The following SPEM1 variants were observed in gnomAD, a reference collection of about 807,000 sequenced individuals.
The protein encoded by SPEM1 is spermatid maturation 1, also known as spermatid maturation protein 1.
SPEM1 carries 10 observed loss-of-function variants against 9.0 expected under a neutral mutation model. That is an observed-to-expected ratio of 1.11 (90% CI 0.68 to 1.88). The LOEUF is 1.88. Ranked by LOEUF, SPEM1 falls within the 40% of genes most tolerant of loss-of-function variation. The probability of loss-of-function intolerance (pLI) is 0.00; values close to 1 mark genes in which losing one functional copy is unlikely to be tolerated. For missense variants in SPEM1, 401 were observed against 408.6 expected, an observed-to-expected ratio of 0.98 and a Z score of 0.16; for synonymous variants, 175 against 157.8, an observed-to-expected ratio of 1.11 and a Z score of -0.82.
rs370517350 is a variant in SPEM1 at position 7,420,363 on chromosome 17, C to T, written c.-22C>T. ...GCACGGTGGGCTGGGGGCGTAAGGG[C>T]CCCGGTGGTCCTAGGGACCCCATGG... On this transcript the variant is annotated 5_prime_UTR_variant, in exon 1 of 3. Coordinates refer to ENST00000323675, the MANE Select transcript of SPEM1 (RefSeq NM_199339.3). The T allele has an allele frequency of 4.7e-6, 7 of 1,483,644 alleles. No homozygotes were observed. In the African/African-American group the frequency reaches 8.5e-5, roughly 18 times the overall value. The allele number at this position is 1,483,644 out of a possible 1,614,324, so 91.9% of individuals were successfully genotyped here.
At position 7,421,460 on chromosome 17, in the gene SPEM1, A is replaced by G; in HGVS notation, c.785A>G (p.Tyr262Cys). 1 of 1,612,750 alleles carries G rather than the reference A, an allele frequency of 6.2e-7. No homozygotes were observed. The highest frequency in any genetic ancestry group is 8.5e-7 in the Non-Finnish European group (1 of 1,179,466). Residue 262 changes from tyrosine (Y) to cysteine (C), a missense_variant, in exon 3 of 3, where the codon TAT becomes TGT. Physicochemically the swap from Tyr to Cys is radical, Grantham distance 194. Coordinates refer to ENST00000323675, the MANE Select transcript of SPEM1 (RefSeq NM_199339.3). This position sits in a 1 kb window ranked among gnomAD's most constrained non-coding sequence, Gnocchi z 4.8. ...SRHRSSGRIV[Y>C]DARDMRRRLR... The stretch of plus-strand genomic sequence containing the variant: ...CACCGCTCCTCAGGCCGAATAGTGT[A>G]TGATGCCCGGGACATGAGACGGCGG...
chr17:7,420,839 G>C (rs375200775), intron 2 of SPEM1, 42 bp from the exon 3 acceptor site: 1 of 1,607,100 alleles, frequency 6.2e-7, no homozygotes. Flanking sequence ...ATGCCTGTAG[G>C]AGCTGGCCTC....
In SPEM1 at chr17:7,420,458, T is replaced by C. The variant is rs1443123782; in HGVS notation, c.74T>C (p.Leu25Pro). 1 of 1,605,060 alleles carries C rather than the reference T, an allele frequency of 6.2e-7. No homozygotes were observed. Among genetic ancestry groups the C allele is most frequent in the Admixed American group, 1.7e-5 (1 of 57,738 alleles). Residue 25 changes from leucine to proline, a missense_variant, in exon 1 of 3, where the codon CTG becomes CCG. Physicochemically the swap from Leu to Pro is moderately conservative, Grantham distance 98. Coordinates refer to ENST00000323675, the MANE Select transcript of SPEM1 (RefSeq NM_199339.3). ...TGCAACAGCAACAGCTGCCAGGACC[T>C]GGGCAACTCTGTCCTGTTGCTGCTG... ...HNCNSNSCQD[L>P]GNSVLLLLGL... is the part of the protein sequence containing the mutation.
intron 1 of SPEM1, 35 bp from the exon 2 acceptor site, chr17:7,420,592 G>T (rs1597717049): frequency 6.2e-7 from 1 of 1,614,096 alleles, no homozygotes; most frequent in Non-Finnish European, 8.5e-7. Flanking sequence ...GCCGGCCAGG[G>T]CCTACCTGGG....
At chr17:7,420,558 G>A in intron 1 of SPEM1, 30 bp downstream of exon 1, 2 of 1,613,952 alleles carry the variant, frequency 1.2e-6, no homozygotes, top group Non-Finnish European at 1.7e-6. Flanking sequence ...GGAGGGAGCT[G>A]GTGGGATAGT....
Position 7,421,121 on chromosome 17 carries a change from A to T in SPEM1, c.446A>T (p.Asp149Val). The change falls in exon 3 of 3, where the codon GAT becomes GTT. Residue 149 changes from aspartate (D) to valine (V), a missense_variant. By Grantham distance (152) the Asp-to-Val change is radical. Transcript: ENST00000323675. The surrounding 1 kb of genome is among the most constrained non-coding windows in gnomAD (Gnocchi z 4.8). ...QYPAICSYHW[D>V]VPEDWEGFQH... ...CCAGCCATCTGCTCCTACCACTGGG[A>T]TGTCCCTGAGGACTGGGAAGGCTTC... 2 of 1,614,064 alleles carry T rather than the reference A, an allele frequency of 1.2e-6. No homozygotes were observed. The highest frequency in any genetic ancestry group is 1.7e-6 in the Non-Finnish European group (2 of 1,179,964).
Position 7,420,674 on chromosome 17 carries a change from C to G in SPEM1, c.192C>G (p.Thr64=). The G allele has an allele frequency of 6.2e-7, 1 of 1,614,002 alleles. No homozygotes were observed. Among genetic ancestry groups the G allele is most frequent in the South Asian group, 1.1e-5 (1 of 91,084 alleles). Residue 64 remains threonine, a synonymous_variant, in exon 2 of 3, where the codon ACC becomes ACG. Coordinates refer to ENST00000323675, the MANE Select transcript of SPEM1 (RefSeq NM_199339.3). The part of the protein sequence containing the change: ...RGVLYQVFHD[T]ICEKEAPKSS... The stretch of plus-strand genomic sequence containing the variant: ...TCTTATACCAAGTGTTCCATGATAC[C>G]ATTTGTGAGAAAGGTAAGAGGTCTG...
In SPEM1 at chr17:7,421,403, T is replaced by C. The variant is rs1260305178; in HGVS notation, c.728T>C (p.Leu243Pro). The C allele has an allele frequency of 8.1e-6, 13 of 1,607,290 alleles. No homozygotes were observed. The highest frequency in any genetic ancestry group is 1.7e-5 in the Admixed American group (1 of 59,584). ...AQYQPVPAPT[L>P]GPAVIPEFSR... Reference sequence around the variant, plus strand: ...TACCAGCCTGTCCCAGCTCCCACCCTGGGCCCAGCAGTCATCCCTGAATTT... The same window carrying C: ...TACCAGCCTGTCCCAGCTCCCACCCCGGGCCCAGCAGTCATCCCTGAATTT... The change falls in exon 3 of 3, where the codon CTG becomes CCG. Residue 243 changes from leucine to proline, a missense_variant. Leu to Pro is a moderately conservative substitution (Grantham distance 98, BLOSUM62 -3). Coordinates refer to ENST00000323675, the MANE Select transcript of SPEM1 (RefSeq NM_199339.3). The surrounding 1 kb of genome is among the most constrained non-coding windows in gnomAD (Gnocchi z 4.8).
In SPEM1 at chr17:7,421,225, A is replaced by G; in HGVS notation, c.550A>G (p.Thr184Ala). The G allele has an allele frequency of 6.2e-7, 1 of 1,614,074 alleles. No individual in the cohort carries two copies. The highest frequency in any genetic ancestry group is 8.5e-7 in the Non-Finnish European group (1 of 1,180,004). The change falls in exon 3 of 3, where the codon ACC becomes GCC. Residue 184 changes from threonine (T) to alanine (A), a missense_variant. By Grantham distance (58) the Thr-to-Ala change is moderately conservative. Transcript: ENST00000323675. The surrounding 1 kb of genome is among the most constrained non-coding windows in gnomAD (Gnocchi z 4.8). ...TCCCCAGACCATCCGCTTCCAGCCT[A>G]CCGTAGAGGAAAGGCCCCTCAAAAC... ...SPPQTIRFQP[T>A]VEERPLKTGI...
In SPEM1 at chr17:7,420,687, G is replaced by A. The variant is rs781565605; in HGVS notation, c.205G>A (p.Glu69Lys). 1.2e-6 allele frequency: 2 copies of A among 1,613,942 alleles called. No homozygotes were observed. The highest frequency in any genetic ancestry group is 1.1e-5 in the South Asian group (1 of 91,078). ...QVFHDTICEK[E>K]APKSSLLRKQ... is the part of the protein sequence containing the mutation. ...GTTCCATGATACCATTTGTGAGAAA[G>A]GTAAGAGGTCTGGGGGCTGGGACAT... is the stretch of plus-strand genomic sequence containing the variant. The change falls in exon 2 of 3, where the codon GAA becomes AAA. Residue 69 changes from glutamate (E) to lysine (K), a missense_variant and splice_region_variant. Physicochemically the swap from Glu to Lys is moderately conservative, Grantham distance 56. Transcript: ENST00000323675.
In SPEM1 at chr17:7,420,994, C is replaced by T. The variant is rs1369617210; in HGVS notation, c.319C>T (p.Pro107Ser). ...CCCTGTGATGATGACTGTGTCCCCG[C>T]CCCCAGCTCACCGCCATCGCCGTCG... ...MDPVMMTVSPPPAHRHRRRGS... is the reference protein window; with the variant it reads ...MDPVMMTVSPSPAHRHRRRGS... Residue 107 changes from proline (P) to serine (S), a missense_variant, in exon 3 of 3, where the codon CCC (proline) becomes TCC (serine). Pro to Ser is a moderately conservative substitution (Grantham distance 74). Coordinates refer to ENST00000323675, the MANE Select transcript of SPEM1 (RefSeq NM_199339.3). 6.2e-7 allele frequency: 1 copy of T among 1,613,994 alleles called. No homozygotes were observed.
rs1262954846 is a variant in SPEM1, at chr17:7,421,212, C to T, written c.537C>T (p.Ile179=). The T allele has an allele frequency of 2.5e-6, 4 of 1,614,098 alleles. No homozygotes were observed. In the South Asian group the frequency reaches 4.4e-5, roughly 18 times the overall value. ...CCCCAGAGTCCCCTCCCCAGACCAT[C>T]CGCTTCCAGCCTACCGTAGAGGAAA... The part of the protein sequence containing the change: ...QDAPESPPQT[I]RFQPTVEERP... Residue 179 remains isoleucine, a synonymous_variant, in exon 3 of 3, where the codon ATC becomes ATT. Transcript: ENST00000323675. This position sits in a 1 kb window ranked among gnomAD's most constrained non-coding sequence, Gnocchi z 4.8.
chr17:7,420,763 C>G (rs1907359847), intron 2 of SPEM1, 76 bp downstream of exon 2: 2 of 1,604,410 alleles, frequency 1.2e-6, no homozygotes, highest in African/African-American at 1.3e-5. Context: ...TTAGCCCCTT[C>G]CCTTCTTGCT....
Position 7,421,438 on chromosome 17 carries a change from C to T in SPEM1, c.763C>T (p.Arg255Cys), listed in dbSNP as rs200202452. ...AGTCATCCCTGAATTTTCCCGGCAC[C>T]GCTCCTCAGGCCGAATAGTGTATGA... The part of the protein sequence containing the change: ...PAVIPEFSRH[R>C]SSGRIVYDAR... The change falls in exon 3 of 3, where the codon CGC (arginine) becomes TGC (cysteine). Residue 255 changes from arginine to cysteine, a missense_variant. Coordinates refer to ENST00000323675, the MANE Select transcript of SPEM1 (RefSeq NM_199339.3). This position sits in a 1 kb window ranked among gnomAD's most constrained non-coding sequence, Gnocchi z 4.8. 99 of 1,609,122 alleles carry T rather than the reference C, an allele frequency of 6.2e-5. No homozygotes were observed. The highest frequency in any genetic ancestry group is 1.7e-4 in the Middle Eastern group (1 of 6,038).
intron 1 of SPEM1, 42 bp downstream of exon 1, chr17:7,420,570 G>C (rs979067537): frequency 2.5e-6 from 4 of 1,614,004 alleles, no homozygotes; most frequent in Non-Finnish European, 3.4e-6. Flanking sequence ...TGGGATAGTG[G>C]GGGGCAGGCC....
chr17:7,421,280 C>T lies in SPEM1; in HGVS notation c.605C>T (p.Ala202Val). The change falls in exon 3 of 3, where the codon GCC becomes GTC. Residue 202 changes from alanine (A) to valine (V), a missense_variant. Physicochemically the swap from Ala to Val is moderately conservative, Grantham distance 64 (BLOSUM62 0). Coordinates refer to ENST00000323675, the MANE Select transcript of SPEM1 (RefSeq NM_199339.3). This position sits in a 1 kb window ranked among gnomAD's most constrained non-coding sequence, Gnocchi z 4.8. ...TGIWSELGLR[A>V]YVYPVNPPPP... ...ATATGGTCCGAGCTGGGCCTAAGGG[C>T]CTATGTGTATCCTGTGAACCCCCCA... 1 of 1,614,164 alleles carries T rather than the reference C, an allele frequency of 6.2e-7. No individual in the cohort carries two copies. Among genetic ancestry groups the T allele is most frequent in the Non-Finnish European group, 8.5e-7 (1 of 1,180,034 alleles).
rs780179836 is a variant in SPEM1, at chr17:7,421,120, G to C, written c.445G>C (p.Asp149His). 36 of 1,613,994 alleles carry C rather than the reference G, an allele frequency of 2.2e-5. No homozygotes were observed. The Admixed American group carries it at 5.8e-4, about 26-fold the overall frequency. Residue 149 changes from aspartate (D) to histidine (H), a missense_variant, in exon 3 of 3, where the codon GAT becomes CAT. Asp to His is a moderately conservative substitution (Grantham distance 81). Coordinates refer to ENST00000323675, the MANE Select transcript of SPEM1 (RefSeq NM_199339.3). This position sits in a 1 kb window ranked among gnomAD's most constrained non-coding sequence, Gnocchi z 4.8. ...CCCAGCCATCTGCTCCTACCACTGG[G>C]ATGTCCCTGAGGACTGGGAAGGCTT... is the stretch of plus-strand genomic sequence containing the variant. ...QYPAICSYHW[D>H]VPEDWEGFQH...
chr17:7,420,987 G>A lies in SPEM1; in HGVS notation c.312G>A (p.Val104=). 6.2e-7 allele frequency: 1 copy of A among 1,614,104 alleles called. No individual in the cohort carries two copies. Residue 104 remains valine (V), a synonymous_variant, in exon 3 of 3, where the codon GTG becomes GTA. Transcript: ENST00000323675. ...RCTMDPVMMT[V]SPPPAHRHRR... ...CCATGGACCCTGTGATGATGACTGT[G>A]TCCCCGCCCCCAGCTCACCGCCATC... is the stretch of plus-strand genomic sequence containing the variant.
At position 7,420,862 on chromosome 17, in the gene SPEM1, A is replaced by G. The variant is rs1597717324; in HGVS notation, c.206-19A>G. 6.2e-7 allele frequency: 1 copy of G among 1,609,760 alleles called. No homozygotes were observed. ...AGGAGCTGGCCTCCCCACTAGTCTC[A>G]CCTCTCCCCCATCCACAGAAGCTCC... is the stretch of plus-strand genomic sequence containing the variant. On this transcript the variant is annotated intron_variant, in intron 2 of 2. Transcript: ENST00000323675.
Sources: gnomAD v4.1 joint callset for allele counts on GRCh38, gnomAD v4.1.1 for gene constraint, Gnocchi (gnomAD v3.1) non-coding constraint, MANE v1.5 for transcripts, NCBI Gene and HGNC (gene_info 2026-07-23, HGNC 2026-07-21) for gene names.